Variants in RABGAP1 observed in about 807,000 individuals in gnomAD.
The protein encoded by RABGAP1 is rab GTPase-activating protein 1.
In RABGAP1, 23 loss-of-function variants were observed where a neutral mutation model predicts 137.6. The observed-to-expected ratio is 0.17, with a 90% CI of 0.12 to 0.24. The LOEUF (loss-of-function observed/expected upper bound fraction) is 0.24, where lower values mean the gene tolerates loss of function less well. Ranked by LOEUF, RABGAP1 falls within the 10% of genes least tolerant of loss-of-function variation. The probability of loss-of-function intolerance (pLI) is 1.00; values close to 1 mark genes in which losing one functional copy is unlikely to be tolerated. For synonymous variants in RABGAP1, 451 were observed against 450.7 expected (o/e 1.00, Z -0.01); for missense variants, 906 against 1,275.8 (o/e 0.71, Z 4.42).
chr9:123,099,923 G>T (rs1409392255), intron 24 of RABGAP1, among the ~76,000 whole-genome samples: 2 of 152,232 alleles, frequency 1.3e-5, no homozygotes, highest in African/African-American at 2.4e-5. Context: ...TCACTTTCCA[G>T]TGTTGTTCTG....
chr9:123,051,993 G>A (rs1007240468), intron 13 of RABGAP1, among the ~76,000 whole-genome samples: 3 of 149,298 alleles, frequency 2.0e-5, no homozygotes, highest in African/African-American at 7.4e-5. Context: ...TATTCGTAGG[G>A]ACGGAGTTTC....
chr9:122,964,882 A>G (rs1170605421), intron 2 of RABGAP1, among the ~76,000 whole-genome samples: 1 of 152,142 alleles, frequency 6.6e-6, no homozygotes, highest in Non-Finnish European at 1.5e-5. Flanking sequence ...TTGTAGTCCC[A>G]GTTATTTGGG....
chr9:122,955,285 T>C (rs1834451242), intron 1 of RABGAP1, among the ~76,000 whole-genome samples: 1 of 152,250 alleles, frequency 6.6e-6, no homozygotes. Flanking sequence ...GCTTCTGTTC[T>C]CTACTAAACT....
intron 14 of RABGAP1, among the ~76,000 whole-genome samples, chr9:123,069,904 A>G (rs767111678): frequency 6.6e-6 from 1 of 152,118 alleles, no homozygotes; most frequent in Non-Finnish European, 1.5e-5. Context: ...ATAAAATGCA[A>G]TGTGGTAATA....
At chr9:123,090,170 T>A in intron 20 of RABGAP1, 105 bp from the exon 21 acceptor site, 1 of 829,910 alleles carries the variant, frequency 1.2e-6, no homozygotes. Context: ...ATTTCTCTTA[T>A]TGTTTCCATA....
chr9:122,979,265 G>A (rs1835929395), intron 2 of RABGAP1, among the ~76,000 whole-genome samples: 1 of 152,184 alleles, frequency 6.6e-6, no homozygotes, highest in Non-Finnish European at 1.5e-5. Context: ...GGCTAGTAAT[G>A]TTGAGTTTCT....
intron 6 of RABGAP1, chr9:122,990,791 AAAAAAATATATATATATATATAT>A (rs1836660911): frequency 1.9e-5 from 1 of 51,454 alleles, no homozygotes; most frequent in Non-Finnish European, 3.7e-5. Context: ...AAAAAAAAAA[AAAAAAATATATATATATATATAT>A]ATATATATAT....
intron 15 of RABGAP1, among the ~76,000 whole-genome samples, chr9:123,071,248 T>C (rs1402137706): frequency 6.6e-6 from 1 of 152,238 alleles, no homozygotes; most frequent in Non-Finnish European, 1.5e-5. Context: ...CAAGATCTAA[T>C]GAAGATTCAA....
chr9:123,100,383 A>ATGTGTGTGTGTGTGTGTGTG (rs56811028), intron 24 of RABGAP1, among the ~76,000 whole-genome samples: 1 of 136,476 alleles, frequency 7.3e-6, no homozygotes, highest in African/African-American at 2.9e-5. Flanking sequence ...GTTTAACCAG[A>ATGTGTGTGTGTGTGTGTGTG]TGTGTGTGTG....
intron 2 of RABGAP1, among the ~76,000 whole-genome samples, chr9:122,976,148 C>G (rs1363255218): frequency 6.6e-6 from 1 of 152,176 alleles, no homozygotes; most frequent in African/African-American, 2.4e-5. Flanking sequence ...GTCTCCATCC[C>G]TGCAAACGTT....
intron 2 of RABGAP1, among the ~76,000 whole-genome samples, chr9:122,960,966 A>G (rs1272085249): frequency 6.6e-6 from 1 of 152,196 alleles, no homozygotes; most frequent in Non-Finnish European, 1.5e-5. Context: ...AGATCAGTAG[A>G]AATTACTCAA....
At chr9:123,080,772 A>G (rs2034681396) in intron 19 of RABGAP1, among the ~76,000 whole-genome samples, 1 of 152,208 alleles carries the variant, frequency 6.6e-6, no homozygotes, top group South Asian at 2.1e-4. Context: ...TGTGGAATTT[A>G]CAAAGGTAAC....
chr9:123,084,303 T>A lies in RABGAP1; in HGVS notation c.2425-5455T>A, dbSNP rs188956940. ...CTGTCCTGAGCATTAAACAGGAAGA[T>A]AGACTTGTGTCAGATTTCTTTATTT... On this transcript the variant is annotated intron_variant, in intron 19 of 25. Transcript: ENST00000373647. Among the ~76,000 whole-genome samples the A allele has an allele frequency of 2.0e-5, 3 of 152,366 alleles. No homozygotes were observed. In the East Asian group the frequency reaches 5.8e-4, roughly 29 times the overall value.
intron 5 of RABGAP1, 140 bp downstream of exon 5, chr9:122,989,611 G>T: frequency 1.1e-6 from 1 of 870,436 alleles, no homozygotes; most frequent in Non-Finnish European, 1.7e-6. Context: ...CTAGCCTCAT[G>T]GGCCAAAATA....
At position 123,084,409 on chromosome 9, in the gene RABGAP1, C is replaced by T. The variant is rs373271263; in HGVS notation, c.2425-5349C>T. Among the ~76,000 whole-genome samples, 37 of 152,170 alleles carry T rather than the reference C, an allele frequency of 2.4e-4. No homozygotes were observed. The East Asian group carries it at 7.0e-3, about 29-fold the overall frequency. ...CTTAATGTACCAGACTCTTTCTTAC[C>T]CCCCACTGTCTACCCACTCACCCAA... On this transcript the variant is annotated intron_variant, in intron 19 of 25. Transcript: ENST00000373647.
intron 19 of RABGAP1, among the ~76,000 whole-genome samples, chr9:123,087,038 C>T (rs561107053): frequency 1.3e-5 from 2 of 152,242 alleles, no homozygotes; most frequent in South Asian, 4.1e-4. Flanking sequence ...CACCCATATC[C>T]TATCATGAGA....
At chr9:122,942,204 A>G (rs1285450380) in intron 1 of RABGAP1, among the ~76,000 whole-genome samples, 2 of 152,250 alleles carry the variant, frequency 1.3e-5, no homozygotes, top group Admixed American at 6.5e-5. Flanking sequence ...CGGAAGGTGA[A>G]TGGAATTGTG....
At chr9:123,004,047 A>C (rs2029972371) in intron 10 of RABGAP1, among the ~76,000 whole-genome samples, 2 of 152,188 alleles carry the variant, frequency 1.3e-5, no homozygotes, top group East Asian at 3.9e-4. Flanking sequence ...ATTTGCTGAG[A>C]GTGTATGTGT....
chr9:123,034,040 T>C (rs1408624744), intron 13 of RABGAP1: 1 of 160,152 alleles, frequency 6.2e-6, no homozygotes, highest in African/African-American at 2.4e-5. Flanking sequence ...GGGGTGCTAT[T>C]GAGGGTAGCC....
Sources: allele counts gnomAD v4.1 joint callset (sites outside exome capture counted in the v4.1 genomes callset), GRCh38; gene constraint gnomAD v4.1.1; transcripts MANE v1.5; gene names NCBI Gene and HGNC (gene_info 2026-07-23, HGNC 2026-07-21).